ANAPC5: variants seen among roughly 807,000 people sequenced by gnomAD.
ANAPC5 encodes the protein anaphase promoting complex subunit 5, also known as anaphase-promoting complex subunit 5.
A neutral mutation model predicts 91.3 loss-of-function variants in ANAPC5; 60 were observed. The ratio of observed to expected loss-of-function variants is 0.66; its 90% CI spans 0.53 to 0.81. The LOEUF (loss-of-function observed/expected upper bound fraction) is 0.81, where lower values mean the gene tolerates loss of function less well. Among genes scored for constraint, ANAPC5 ranks in the 40% least tolerant of loss-of-function variants. The pLI, the probability that ANAPC5 is intolerant of heterozygous loss-of-function variation, is 0.00. For missense variants in ANAPC5, 690 were observed against 931.5 expected (o/e 0.74, Z 3.37); for synonymous variants, 340 against 364.1 (o/e 0.93, Z 0.75).
At chr12:121,329,867 G>A (rs547074940) in intron 9 of ANAPC5, among the ~76,000 whole-genome samples, 15 of 151,946 alleles carry the variant, frequency 9.9e-5, no homozygotes, top group Admixed American at 2.6e-4. Flanking sequence ...CACCCACCCC[G>A]GCCTCCCAAA....
At chr12:121,347,357 C>T (rs752928275) in intron 2 of ANAPC5, 2 of 267,312 alleles carry the variant, frequency 7.5e-6, no homozygotes, top group Admixed American at 5.1e-5. Flanking sequence ...CAGCCAGGTG[C>T]GGTTGCTCAC....
rs144242008 is a variant in ANAPC5, at chr12:121,311,441, C to G, written c.1894-1578G>C. ...GGACATTATATACTCATGAAACAGT[C>G]GATTCATCAAGATATAACAATTATA... On this transcript the variant is annotated intron_variant, in intron 15 of 16. Transcript: ENST00000261819. 2.6e-3 allele frequency among the ~76,000 whole-genome samples: 398 copies of G among 152,124 alleles called. 5 individuals carry two copies. Among genetic ancestry groups the G allele is most frequent in the South Asian group, 0.02 (98 of 4,814 alleles).
intron 9 of ANAPC5, 111 bp from the exon 10 acceptor site, chr12:121,328,608 A>T: frequency 9.9e-7 from 1 of 1,007,122 alleles, no homozygotes; most frequent in Non-Finnish European, 1.5e-6. Context: ...CAGTGACAGC[A>T]CTATTTAAAA....
rs890133820 is a variant in ANAPC5 at position 121,352,166 on chromosome 12, T to C, written c.175A>G (p.Arg59Gly). ...AGGGGCAGGAGCAGCTGGTTGAGCC[T>C]CCGCCGCTCCATGAGGCTGACGGCG... is the stretch of plus-strand genomic sequence containing the variant. ...EGAVSLMERR[R>G]LNQLLLPLLQ... Residue 59 changes from arginine (R) to glycine (G), a missense_variant, in exon 1 of 17, where the codon AGG becomes GGG. Physicochemically the swap from Arg to Gly is moderately radical, Grantham distance 125. Transcript: ENST00000261819. The C allele has an allele frequency of 5.0e-6, 8 of 1,612,086 alleles. No homozygotes were observed. The highest frequency in any genetic ancestry group is 1.7e-5 in the Admixed American group (1 of 59,970).
chr12:121,339,586 T>A (rs1399282337), intron 5 of ANAPC5, among the ~76,000 whole-genome samples: 1 of 152,118 alleles, frequency 6.6e-6, no homozygotes. Flanking sequence ...TTCTTCTGCT[T>A]CAGCCTCCCA....
At chr12:121,347,567 G>A (rs777976701) in intron 2 of ANAPC5, 3 of 472,304 alleles carry the variant, frequency 6.4e-6, no homozygotes, top group Non-Finnish European at 1.1e-5. Context: ...GGAAGTCCAG[G>A]CTGCGTTGAG....
chr12:121,350,894 C>T lies in ANAPC5; in HGVS notation c.207+1240G>A, dbSNP rs967894872. Among the ~76,000 whole-genome samples, 12 of 152,228 alleles carry T rather than the reference C, an allele frequency of 7.9e-5. No homozygotes were observed. The East Asian group carries it at 2.3e-3, about 29-fold the overall frequency. Reference sequence around the variant, plus strand: ...ATGAATATAAATGGAAAAACCACAACTGATATAGGGGAAGGTATATGCCAT... The same window carrying T: ...ATGAATATAAATGGAAAAACCACAATTGATATAGGGGAAGGTATATGCCAT... On this transcript the variant is annotated intron_variant, in intron 1 of 16. Transcript: ENST00000261819.
intron 11 of ANAPC5, among the ~76,000 whole-genome samples, chr12:121,321,791 AC>A (rs1195897268): frequency 6.6e-6 from 1 of 151,420 alleles, no homozygotes; most frequent in Non-Finnish European, 1.5e-5. Flanking sequence ...ACCCACCTCA[AC>A]CTCCTCAAGT....
At chr12:121,313,047 C>T (rs943372919) in intron 15 of ANAPC5, among the ~76,000 whole-genome samples, 3 of 152,262 alleles carry the variant, frequency 2.0e-5, no homozygotes, top group East Asian at 1.9e-4. Flanking sequence ...GAAAAGAGGC[C>T]GGGCGCGGTG....
At chr12:121,318,654 T>C (rs746547824) in intron 13 of ANAPC5, 46 bp from the exon 14 acceptor site, 8 of 1,471,172 alleles carry the variant, frequency 5.4e-6, no homozygotes, top group Middle Eastern at 1.7e-4. Context: ...CTAGTCACTT[T>C]GAGGGTAAGA....
chr12:121,351,085 A>G (rs1383425414), intron 1 of ANAPC5: 22 of 448,250 alleles, frequency 4.9e-5, no homozygotes, highest in Non-Finnish European at 5.8e-5. Context: ...GAAATAACAC[A>G]TGACGGCCGG....
At chr12:121,337,117 C>T (rs1340433159) in intron 6 of ANAPC5, among the ~76,000 whole-genome samples, 174 bp downstream of exon 6, 3 of 152,178 alleles carry the variant, frequency 2.0e-5, no homozygotes, top group Non-Finnish European at 4.4e-5. Context: ...ACCTGGGAGG[C>T]TGAGGCAGGA....
At position 121,335,621 on chromosome 12, in the gene ANAPC5, T is replaced by C; in HGVS notation, c.862A>G (p.Ser288Gly). The C allele has an allele frequency of 6.2e-7, 1 of 1,614,172 alleles. No homozygotes were observed. The highest frequency in any genetic ancestry group is 8.5e-7 in the Non-Finnish European group (1 of 1,179,998). The change falls in exon 7 of 17, where the codon AGC becomes GGC. Residue 288 changes from serine (S) to glycine (G), a missense_variant. Physicochemically the swap from Ser to Gly is moderately conservative, Grantham distance 56. Coordinates refer to ENST00000261819, the MANE Select transcript of ANAPC5 (RefSeq NM_016237.5). ...FDRLILTGAESKSNGEEGYGR... is the reference protein window; with the variant it reads ...FDRLILTGAEGKSNGEEGYGR... Reference sequence around the variant, plus strand: ...TAGCCCTCTTCCCCATTACTTTTGCTTTCGGCTCCGGTAAGAATCAGACGA... The same window carrying C: ...TAGCCCTCTTCCCCATTACTTTTGCCTTCGGCTCCGGTAAGAATCAGACGA...
chr12:121,340,537 ATTT>A (rs200074790), intron 5 of ANAPC5, among the ~76,000 whole-genome samples: 2 of 141,232 alleles, frequency 1.4e-5, no homozygotes, highest in Admixed American at 7.1e-5. Context: ...AATTCCGTAA[ATTT>A]TTTTTTTTTT....
chr12:121,352,353 C>G lies in ANAPC5; in HGVS notation c.-13G>C, dbSNP rs782723850. 6.3e-7 allele frequency: 1 copy of G among 1,587,062 alleles called. No individual in the cohort carries two copies. The stretch of plus-strand genomic sequence containing the variant: ...GGACGCTGGCCATGGCGGCCCGAGA[C>G]TAAGTCTCGGGCCCGCGGCGCGCTG... On this transcript the variant is annotated 5_prime_UTR_variant, in exon 1 of 17. Coordinates refer to ENST00000261819, the MANE Select transcript of ANAPC5 (RefSeq NM_016237.5).
chr12:121,314,308 A>G (rs2136756851), intron 15 of ANAPC5, among the ~76,000 whole-genome samples: 1 of 152,306 alleles, frequency 6.6e-6, no homozygotes, highest in East Asian at 1.9e-4. Context: ...CTGAGGCACA[A>G]GAACTGCTTG....
intron 5 of ANAPC5, among the ~76,000 whole-genome samples, chr12:121,339,868 GTTTTTTTTTT>G (rs71079054): frequency 1.4e-3 from 147 of 104,558 alleles, no homozygotes; most frequent in Non-Finnish European, 2.2e-3. Context: ...TTTTCTTCCA[GTTTTTTTTTT>G]TTTTTTTTTT....
At position 121,347,170 on chromosome 12, in the gene ANAPC5, G is replaced by A. The variant is rs111876015; in HGVS notation, c.288-165C>T. On this transcript the variant is annotated intron_variant, in intron 2 of 16. Transcript: ENST00000261819. ...CTTCATAATTCAAAATGTTACTCCC[G>A]TATTTCTGAAAAGTATCATTGTTGT... The A allele has an allele frequency of 1.2e-3, 626 of 503,826 alleles. 6 individuals carry two copies. Among genetic ancestry groups the A allele is most frequent in the African/African-American group, 0.011 (570 of 49,924 alleles). 31.2% of individuals were successfully genotyped at this position (503,826 alleles called of 1,614,324 possible).
chr12:121,331,579 C>A (rs200539545), intron 7 of ANAPC5, 151 bp from the exon 8 acceptor site: 1 of 508,820 alleles, frequency 2.0e-6, no homozygotes, highest in East Asian at 3.1e-5. Flanking sequence ...CAGAGGCGTG[C>A]CCCAACCCTA....
Sources: gnomAD v4.1 joint callset for allele counts (sites outside exome capture counted in the v4.1 genomes callset) on GRCh38, gnomAD v4.1.1 for gene constraint, MANE v1.5 for transcripts, NCBI Gene and HGNC (gene_info 2026-07-23, HGNC 2026-07-21) for gene names.